The following CACNA2D3 variants were observed in gnomAD, a reference collection of about 807,000 sequenced individuals.
The protein encoded by CACNA2D3 is voltage-dependent calcium channel subunit alpha-2/delta-3.
In CACNA2D3, 60 loss-of-function variants were observed where a neutral mutation model predicts 160.6. The observed-to-expected ratio is 0.37, with a 90% CI of 0.30 to 0.46. The LOEUF (loss-of-function observed/expected upper bound fraction) is 0.46. Among genes scored for constraint, CACNA2D3 ranks in the 20% least tolerant of loss-of-function variants. The pLI is 1.00. For missense variants in CACNA2D3, 1,205 were observed against 1,365.0 expected (o/e 0.88, Z 1.85); for synonymous variants, 558 against 492.9 (o/e 1.13, Z -1.75).
At chr3:54,666,956 C>T (rs1489992004) in intron 11 of CACNA2D3, among the ~76,000 whole-genome samples, 2 of 152,214 alleles carry the variant, frequency 1.3e-5, no homozygotes, top group Non-Finnish European at 2.9e-5. Context: ...TCTAGTGGAA[C>T]ATTTGAGGGC....
At chr3:54,994,346 A>C (rs776260199) in intron 31 of CACNA2D3, among the ~76,000 whole-genome samples, 1 of 152,148 alleles carries the variant, frequency 6.6e-6, no homozygotes, top group Non-Finnish European at 1.5e-5. Flanking sequence ...GCTGATGTCT[A>C]ATACTCAACA....
intron 2 of CACNA2D3, among the ~76,000 whole-genome samples, chr3:54,293,550 G>T (rs750336529): frequency 1.2e-4 from 17 of 136,526 alleles, no homozygotes; most frequent in Non-Finnish European, 9.5e-5. Context: ...TTTCATGACT[G>T]AGTAATATTC....
intron 2 of CACNA2D3, among the ~76,000 whole-genome samples, chr3:54,128,383 T>C (rs1224284693): frequency 6.6e-6 from 1 of 152,186 alleles, no homozygotes; most frequent in Non-Finnish European, 1.5e-5. Context: ...TCCCTAAAGT[T>C]TGAAGCACAT....
chr3:54,861,850 A>G (rs1699298119), intron 17 of CACNA2D3, among the ~76,000 whole-genome samples: 1 of 152,254 alleles, frequency 6.6e-6, no homozygotes, highest in Non-Finnish European at 1.5e-5. Flanking sequence ...GGTCACAGGC[A>G]AATATAAGAC....
At chr3:54,944,891 T>G (rs1054640476) in intron 27 of CACNA2D3, among the ~76,000 whole-genome samples, 1 of 152,128 alleles carries the variant, frequency 6.6e-6, no homozygotes, top group Non-Finnish European at 1.5e-5. Context: ...TGTTTTTCTT[T>G]CTTTTTTCAA....
At chr3:54,952,155 T>C (rs1053164447) in intron 27 of CACNA2D3, among the ~76,000 whole-genome samples, 1 of 152,240 alleles carries the variant, frequency 6.6e-6, no homozygotes, top group Non-Finnish European at 1.5e-5. Flanking sequence ...TGGCCAGCTG[T>C]GTTTATAAAC....
At chr3:54,584,162 A>G (rs538915424) in intron 9 of CACNA2D3, among the ~76,000 whole-genome samples, 2 of 152,222 alleles carry the variant, frequency 1.3e-5, no homozygotes, top group Non-Finnish European at 2.9e-5. Context: ...CATAATGCCC[A>G]GAATGCAATT....
intron 23 of CACNA2D3, among the ~76,000 whole-genome samples, 178 bp downstream of exon 23, chr3:54,885,764 G>T (rs1483865788): frequency 1.3e-5 from 2 of 152,184 alleles, no homozygotes; most frequent in East Asian, 1.9e-4. Flanking sequence ...GTGGATTATG[G>T]AAAATTGTAC....
intron 4 of CACNA2D3, among the ~76,000 whole-genome samples, chr3:54,412,817 A>T: frequency 6.6e-6 from 1 of 151,392 alleles, no homozygotes. Context: ...TTGTCTTTAA[A>T]TCTACCTTAA....
In CACNA2D3 at chr3:54,386,758, T is replaced by A. The variant is rs1699194752; in HGVS notation, c.365T>A (p.Phe122Tyr). The change falls in exon 4 of 38, where the codon TTT becomes TAT. Residue 122 changes from phenylalanine to tyrosine, a missense_variant. By Grantham distance (22) the Phe-to-Tyr change is conservative. This residue lies in a region of CACNA2D3 where 163 missense variants were observed against 161.3 expected (regional missense o/e 1.01). Coordinates refer to ENST00000474759, the MANE Select transcript of CACNA2D3 (RefSeq NM_018398.3). ...AAEEAHLKHE[F>Y]DADLQYEYFN... ...GAAGAAGCACACCTGAAACATGAATTTGATGCAGACTTACAGGTAACTGAT... is the reference window on the plus strand; with the variant it reads ...GAAGAAGCACACCTGAAACATGAATATGATGCAGACTTACAGGTAACTGAT... 1 of 1,592,670 alleles carries A rather than the reference T, an allele frequency of 6.3e-7. No homozygotes were observed. The highest frequency in any genetic ancestry group is 1.3e-5 in the African/African-American group (1 of 74,528).
intron 5 of CACNA2D3, among the ~76,000 whole-genome samples, chr3:54,560,194 C>A (rs1575345969): frequency 6.6e-6 from 1 of 152,116 alleles, no homozygotes; most frequent in Non-Finnish European, 1.5e-5. Flanking sequence ...TAATTTACAC[C>A]CCCACCAACA....
chr3:54,774,842 G>A (rs1401755899), intron 13 of CACNA2D3, among the ~76,000 whole-genome samples: 3 of 151,590 alleles, frequency 2.0e-5, no homozygotes, highest in African/African-American at 7.3e-5. Context: ...CACCATACTG[G>A]CCAGGCTGGT....
At chr3:55,072,470 A>G (rs1221751854) in intron 35 of CACNA2D3, among the ~76,000 whole-genome samples, 1 of 152,244 alleles carries the variant, frequency 6.6e-6, no homozygotes, top group Non-Finnish European at 1.5e-5. Flanking sequence ...ATGGTGATAT[A>G]CTCAAAAGAA....
intron 13 of CACNA2D3, among the ~76,000 whole-genome samples, chr3:54,812,903 A>T (rs1703356214): frequency 6.6e-6 from 1 of 152,230 alleles, no homozygotes. Context: ...TACAAAAAGC[A>T]AAAGAGCTAA....
At chr3:54,730,247 A>G (rs1432146969) in intron 11 of CACNA2D3, among the ~76,000 whole-genome samples, 1 of 152,154 alleles carries the variant, frequency 6.6e-6, no homozygotes, top group Non-Finnish European at 1.5e-5. Context: ...CACTGGGGCT[A>G]CTGAAATTGC....
intron 11 of CACNA2D3, among the ~76,000 whole-genome samples, chr3:54,728,859 T>C (rs1701327959): frequency 6.6e-6 from 1 of 152,244 alleles, no homozygotes; most frequent in African/African-American, 2.4e-5. Context: ...TTTCCCACCA[T>C]TTTATGATGG....
intron 4 of CACNA2D3, among the ~76,000 whole-genome samples, chr3:54,432,484 G>A (rs143033944): frequency 1.7e-3 from 263 of 151,924 alleles, no homozygotes; most frequent in Non-Finnish European, 2.9e-3. Flanking sequence ...TAAAGAAAGA[G>A]GAAACGAAAA....
intron 2 of CACNA2D3, among the ~76,000 whole-genome samples, chr3:54,305,741 A>G (rs7429789): frequency 0.088 from 13,358 of 152,274 alleles, 822 homozygotes; most frequent in South Asian, 0.14. Context: ...AGAATTCAGG[A>G]GACTATAAAT....
rs140110356 is a variant in CACNA2D3, at chr3:55,038,445, C to T, written c.2987+20128C>T. Among the ~76,000 whole-genome samples the T allele has an allele frequency of 2.3e-4, 35 of 152,054 alleles. No individual in the cohort carries two copies. In the East Asian group the frequency reaches 4.8e-3, roughly 21 times the overall value. ...CAATATATGAACATGCATTCACAGGCGTGACATCAAATGCTATAGATGCAC... is the reference window on the plus strand; with the variant it reads ...CAATATATGAACATGCATTCACAGGTGTGACATCAAATGCTATAGATGCAC... On this transcript the variant is annotated intron_variant, in intron 35 of 37. Transcript: ENST00000474759.
Sources: gnomAD v4.1 joint callset for allele counts (sites outside exome capture counted in the v4.1 genomes callset) on GRCh38, gnomAD v4.1.1 for gene constraint, gnomAD v4.1.1 regional missense constraint, MANE v1.5 for transcripts, NCBI Gene and HGNC (gene_info 2026-07-23, HGNC 2026-07-21) for gene names.